TNRC18: variants seen among roughly 807,000 people sequenced by gnomAD.
TNRC18 encodes trinucleotide repeat-containing gene 18 protein.
TNRC18 carries 69 observed loss-of-function variants against 226.7 expected under a neutral mutation model. The ratio of observed to expected loss-of-function variants is 0.30; its 90% CI spans 0.25 to 0.37. The LOEUF (loss-of-function observed/expected upper bound fraction) is 0.37. Ranked by LOEUF, TNRC18 falls within the 10% of genes least tolerant of loss-of-function variation. TNRC18 has a pLI of 1.00. For missense variants in TNRC18, 4,754 were observed against 4,256.6 expected, an observed-to-expected ratio of 1.12 and a Z score of -3.25; for synonymous variants, 2,449 against 1,927.6, an observed-to-expected ratio of 1.27 and a Z score of -7.09.
In TNRC18 at chr7:5,394,382, A is replaced by C; in HGVS notation, c.343+58T>G. 3 of 1,449,926 alleles carry C rather than the reference A, an allele frequency of 2.1e-6. 1 individual carries two copies. The highest frequency in any genetic ancestry group is 1.4e-5 in the South Asian group (1 of 70,716). 89.8% of individuals were successfully genotyped at this position (1,449,926 alleles called of 1,614,324 possible). A position where few individuals can be genotyped will look rare whatever the true frequency, so the allele number is the denominator to read the frequency against. ...CAACAGAGGGGCACATGAAGTGGCC[A>C]GAGTGGCTGGGACGTCAGCCCAGCA... On this transcript the variant is annotated intron_variant, in intron 3 of 29. Transcript: ENST00000430969. This position sits in a 1 kb window ranked among gnomAD's most constrained non-coding sequence, Gnocchi z 4.5.
chr7:5,392,544 G>A (rs932481438), intron 3 of TNRC18, among the ~76,000 whole-genome samples: 1 of 152,164 alleles, frequency 6.6e-6, no homozygotes. Context: ...AACCCGGGAG[G>A]TAGAGGTTGC....
intron 2 of TNRC18, among the ~76,000 whole-genome samples, chr7:5,409,233 G>C (rs1301715471): frequency 2.0e-5 from 3 of 150,564 alleles, no homozygotes; most frequent in Non-Finnish European, 4.4e-5. Context: ...AGAGAAAAGA[G>C]AAAAAAGACT....
intron 12 of TNRC18, 34 bp downstream of exon 12, chr7:5,362,616 G>T (rs373149755): frequency 3.1e-5 from 46 of 1,504,126 alleles, no homozygotes; most frequent in African/African-American, 2.4e-4. Flanking sequence ...AGCCTCCCCC[G>T]CGGACCCCAG....
intron 16 of TNRC18, 76 bp from the exon 17 acceptor site, chr7:5,352,170 G>A (rs1196894269): frequency 3.5e-6 from 5 of 1,436,902 alleles, no homozygotes; most frequent in Non-Finnish European, 4.7e-6. Context: ...GGTTTTAATG[G>A]TTCTGAGAAC....
chr7:5,395,546 C>T (rs1780616003), intron 2 of TNRC18, among the ~76,000 whole-genome samples: 1 of 152,242 alleles, frequency 6.6e-6, no homozygotes, highest in Non-Finnish European at 1.5e-5. Context: ...AAGACCCTGG[C>T]AGGCCTCTGG....
At position 5,313,776 on chromosome 7, in the gene TNRC18, G is replaced by T; in HGVS notation, c.7115C>A (p.Ser2372Tyr). The T allele has an allele frequency of 6.5e-7, 1 of 1,544,194 alleles. No homozygotes were observed. The highest frequency in any genetic ancestry group is 2.0e-5 in the Admixed American group (1 of 49,604). The change falls in exon 27 of 30, where the codon TCC becomes TAC. Residue 2372 changes from serine to tyrosine, a missense_variant. By Grantham distance (144) the Ser-to-Tyr change is moderately radical. Transcript: ENST00000430969. ...LALEPSSTPG[S>Y]KKSPPEPVDK... ...CACAGGCTCTGGGGGGCTCTTCTTGGAACCTGGGGTGCTGCTCGGCTCCAG... is the reference window on the plus strand; with the variant it reads ...CACAGGCTCTGGGGGGCTCTTCTTGTAACCTGGGGTGCTGCTCGGCTCCAG...
chr7:5,341,450 A>C (rs1174787813), intron 18 of TNRC18, among the ~76,000 whole-genome samples: 2 of 141,726 alleles, frequency 1.4e-5, no homozygotes, highest in African/African-American at 5.3e-5. Flanking sequence ...ATGCTGAATC[A>C]CCTCTGCCAC....
intron 25 of TNRC18, among the ~76,000 whole-genome samples, chr7:5,315,610 G>T (rs1358472636): frequency 6.6e-6 from 1 of 152,154 alleles, no homozygotes; most frequent in Non-Finnish European, 1.5e-5. Context: ...TTTTAATAGA[G>T]ACAGGGTTTC....
chr7:5,414,049 T>G (rs1244138557), intron 2 of TNRC18, among the ~76,000 whole-genome samples: 1 of 151,184 alleles, frequency 6.6e-6, no homozygotes, highest in Non-Finnish European at 1.5e-5. Context: ...CAGGTTCAAG[T>G]GATTCTCCTG....
chr7:5,321,075 G>A lies in TNRC18; in HGVS notation c.6558C>T (p.Asp2186=), dbSNP rs1309548640. Residue 2186 remains aspartate (D), a splice_region_variant and synonymous_variant, in exon 22 of 30, where the codon GAC becomes GAT. Coordinates refer to ENST00000430969, the MANE Select transcript of TNRC18 (RefSeq NM_001080495.3). ...GCCGGACCTCCCACCCCACTCACAT[G>A]TCTGGCGAGTGCACGGTCTGCACGT... The part of the protein sequence containing the change: ...AGHVQTVHSP[D]IYRVVVEGER... 2 of 1,543,978 alleles carry A rather than the reference G, an allele frequency of 1.3e-6. No homozygotes were observed. The highest frequency in any genetic ancestry group is 1.8e-6 in the Non-Finnish European group (2 of 1,142,172).
intron 11 of TNRC18, among the ~76,000 whole-genome samples, chr7:5,366,624 G>A (rs747929440): frequency 2.0e-5 from 3 of 151,894 alleles, no homozygotes; most frequent in Admixed American, 6.6e-5. Flanking sequence ...GCGGCTGGCC[G>A]CTCTTCTTAT....
intron 4 of TNRC18, chr7:5,389,687 T>A (rs1240390081): frequency 6.1e-6 from 1 of 164,340 alleles, no homozygotes; most frequent in Non-Finnish European, 1.3e-5. Context: ...ACTCTTGACC[T>A]CAGGTGATCC....
At chr7:5,349,866 C>T (rs969779571) in intron 17 of TNRC18, among the ~76,000 whole-genome samples, 1 of 152,212 alleles carries the variant, frequency 6.6e-6, no homozygotes, top group Non-Finnish European at 1.5e-5. Context: ...CTTTCAAGAC[C>T]TGCTCAGTGG....
intron 2 of TNRC18, among the ~76,000 whole-genome samples, chr7:5,413,579 G>A (rs1407545660): frequency 6.6e-6 from 1 of 152,196 alleles, no homozygotes; most frequent in Non-Finnish European, 1.5e-5. Context: ...AGACCACTGT[G>A]AGTGCAGTGG....
chr7:5,328,520 T>C (rs1460428626), intron 19 of TNRC18, among the ~76,000 whole-genome samples: 4 of 151,722 alleles, frequency 2.6e-5, no homozygotes, highest in African/African-American at 7.3e-5. Flanking sequence ...GCCTTTTTTT[T>C]TTTTTTGAGA....
intron 24 of TNRC18, among the ~76,000 whole-genome samples, chr7:5,319,411 A>G (rs1352921534): frequency 6.6e-6 from 1 of 152,184 alleles, no homozygotes; most frequent in East Asian, 1.9e-4. Context: ...TGCTTTTGCA[A>G]AAGCTAAGGG....
intron 17 of TNRC18, among the ~76,000 whole-genome samples, chr7:5,349,975 C>T (rs2128144065): frequency 6.6e-6 from 1 of 152,330 alleles, no homozygotes; most frequent in Non-Finnish European, 1.5e-5. Context: ...CCACTTGGCA[C>T]TGCGGCGCCA....
At chr7:5,408,573 G>A (rs1416758547) in intron 2 of TNRC18, among the ~76,000 whole-genome samples, 2 of 151,594 alleles carry the variant, frequency 1.3e-5, no homozygotes, top group Non-Finnish European at 2.9e-5. Flanking sequence ...AGGAGGTGGA[G>A]GTAGGTTGCA....
rs751672803 is a variant in TNRC18, at chr7:5,362,063, G to A, written c.4396-30C>T. 15 of 1,607,474 alleles carry A rather than the reference G, an allele frequency of 9.3e-6. 1 individual carries two copies. The South Asian group carries it at 1.3e-4, about 14-fold the overall frequency. ...GGGAAGAACCGGGAGAGGAGGAGGGGGTGAGGATGCCACTGCCTAACGACG... is the reference window on the plus strand; with the variant it reads ...GGGAAGAACCGGGAGAGGAGGAGGGAGTGAGGATGCCACTGCCTAACGACG... On this transcript the variant is annotated intron_variant, in intron 12 of 29. Transcript: ENST00000430969.
Sources: allele counts gnomAD v4.1 joint callset (sites outside exome capture counted in the v4.1 genomes callset), GRCh38; gene constraint gnomAD v4.1.1; non-coding constraint Gnocchi (gnomAD v3.1); transcripts MANE v1.5; gene names NCBI Gene and HGNC (gene_info 2026-07-23, HGNC 2026-07-21).